Variants in CDIN1 observed in about 807,000 individuals in gnomAD.
CDIN1 encodes CDAN1 interacting nuclease 1, also known as CDAN1-interacting nuclease 1.
In CDIN1, 33 loss-of-function variants were observed where a neutral mutation model predicts 45.3. That is an observed-to-expected ratio of 0.73 (90% CI 0.55 to 0.97). The LOEUF is 0.97. CDIN1 is among the 50% of genes least tolerant of loss of function. The probability of loss-of-function intolerance (pLI) is 0.00; values close to 1 mark genes in which losing one functional copy is unlikely to be tolerated. For synonymous variants in CDIN1, 118 were observed against 124.4 expected, an observed-to-expected ratio of 0.95 and a Z score of 0.34; for missense variants, 303 against 339.4, an observed-to-expected ratio of 0.89 and a Z score of 0.84.
At chr15:36,793,841 G>A (rs1476140456) in intron 10 of CDIN1, among the ~76,000 whole-genome samples, 2 of 152,066 alleles carry the variant, frequency 1.3e-5, no homozygotes, top group South Asian at 2.1e-4. Flanking sequence ...TGCCTTAAAG[G>A]CCAGCATCAG....
At chr15:36,684,816 A>G (rs2041982300) in intron 5 of CDIN1, among the ~76,000 whole-genome samples, 1 of 150,876 alleles carries the variant, frequency 6.6e-6, no homozygotes, top group Non-Finnish European at 1.5e-5. Context: ...GGGAGAGTGT[A>G]TGTGTCGAGG....
intron 5 of CDIN1, among the ~76,000 whole-genome samples, chr15:36,687,773 A>G (rs2042112659): frequency 1.3e-5 from 2 of 152,210 alleles, no homozygotes. Flanking sequence ...TACTAGACAT[A>G]TCTGAACCTT....
In CDIN1 at chr15:36,606,963, G is replaced by A. The variant is rs935951234; in HGVS notation, c.101+27002G>A. 3.9e-5 allele frequency among the ~76,000 whole-genome samples: 6 copies of A among 152,138 alleles called. No homozygotes were observed. In the South Asian group the frequency reaches 1.2e-3, roughly 31 times the overall value. On this transcript the variant is annotated intron_variant, in intron 1 of 10. Coordinates refer to ENST00000566621, the MANE Select transcript of CDIN1 (RefSeq NM_001321759.2). Reference sequence around the variant, plus strand: ...AGTCACAGAGAGACTTTTGAATTGAGGTTTAAAGCAGTAGGAGTTGATTTA... The same window carrying A: ...AGTCACAGAGAGACTTTTGAATTGAAGTTTAAAGCAGTAGGAGTTGATTTA...
At chr15:36,688,919 A>G (rs1566901569) in intron 5 of CDIN1, among the ~76,000 whole-genome samples, 1 of 152,212 alleles carries the variant, frequency 6.6e-6, no homozygotes, top group Non-Finnish European at 1.5e-5. Flanking sequence ...TCCTGGGTCC[A>G]CAGCACAGGC....
intron 10 of CDIN1, among the ~76,000 whole-genome samples, chr15:36,786,703 T>C (rs1169077861): frequency 6.6e-6 from 1 of 152,204 alleles, no homozygotes; most frequent in Non-Finnish European, 1.5e-5. Flanking sequence ...ATGATCAATC[T>C]TGAAAGAGTC....
intron 7 of CDIN1, among the ~76,000 whole-genome samples, chr15:36,693,913 T>C (rs1001330610): frequency 1.3e-5 from 2 of 152,212 alleles, no homozygotes; most frequent in African/African-American, 4.8e-5. Context: ...CTTTTTTGGT[T>C]GTGTTATTGC....
At chr15:36,743,485 T>G (rs2044309685) in intron 10 of CDIN1, among the ~76,000 whole-genome samples, 1 of 152,140 alleles carries the variant, frequency 6.6e-6, no homozygotes, top group Admixed American at 6.5e-5. Context: ...TAATCAGAAC[T>G]AATCCTAGTA....
In CDIN1 at chr15:36,804,232, G is replaced by A. The variant is rs145103519; in HGVS notation, c.717-4092G>A. 2.6e-5 allele frequency among the ~76,000 whole-genome samples: 4 copies of A among 152,276 alleles called. No homozygotes were observed. In the East Asian group the frequency reaches 7.7e-4, roughly 29 times the overall value. ...GTGTTGGGCACATAGTAAGTGGGGT[G>A]AAAGTGTTAATAATGAACATTGTTG... On this transcript the variant is annotated intron_variant, in intron 10 of 10. Transcript: ENST00000566621.
At chr15:36,767,992 T>A (rs578198744) in intron 10 of CDIN1, among the ~76,000 whole-genome samples, 1 of 152,168 alleles carries the variant, frequency 6.6e-6, no homozygotes, top group Non-Finnish European at 1.5e-5. Flanking sequence ...GAGAGGGCTG[T>A]TTCTGACCCC....
chr15:36,699,899 T>C (rs1489951675), intron 8 of CDIN1, among the ~76,000 whole-genome samples: 1 of 152,164 alleles, frequency 6.6e-6, no homozygotes, highest in Non-Finnish European at 1.5e-5. Flanking sequence ...CTTATCCAAT[T>C]TGTACTTCCA....
chr15:36,751,202 T>A (rs942832547), intron 10 of CDIN1, among the ~76,000 whole-genome samples: 2 of 113,590 alleles, frequency 1.8e-5, no homozygotes, highest in Non-Finnish European at 3.5e-5. Context: ...CCATTTTTAT[T>A]GATAAAAGCA....
intron 10 of CDIN1, among the ~76,000 whole-genome samples, chr15:36,754,635 C>A (rs1472071561): frequency 1.3e-5 from 2 of 150,128 alleles, no homozygotes; most frequent in Non-Finnish European, 3.0e-5. Flanking sequence ...TATATTTATC[C>A]CCCTTACATG....
chr15:36,692,274 A>G, intron 7 of CDIN1, 99 bp downstream of exon 7: 1 of 1,120,706 alleles, frequency 8.9e-7, no homozygotes, highest in South Asian at 1.5e-5. Flanking sequence ...GCTTCACAAA[A>G]CACATTTCAT....
At chr15:36,589,521 T>G (rs2037466908) in intron 1 of CDIN1, among the ~76,000 whole-genome samples, 2 of 152,094 alleles carry the variant, frequency 1.3e-5, no homozygotes, top group Admixed American at 6.5e-5. Flanking sequence ...CTTTTTTTTT[T>G]TTGAGACGGA....
chr15:36,728,821 G>A (rs1041203569), intron 10 of CDIN1, among the ~76,000 whole-genome samples: 5 of 151,928 alleles, frequency 3.3e-5, no homozygotes, highest in Non-Finnish European at 5.9e-5. Flanking sequence ...CTATAGACGC[G>A]TGCCACCACG....
Position 36,792,984 on chromosome 15 carries a change from CT to C in CDIN1, c.717-15339del, listed in dbSNP as rs1941575713. 3.3e-5 allele frequency among the ~76,000 whole-genome samples: 5 copies of C among 152,236 alleles called. No homozygotes were observed. The Middle Eastern group carries it at 0.01, about 311-fold the overall frequency. On this transcript the variant is annotated intron_variant, in intron 10 of 10. Transcript: ENST00000566621. Reference sequence around the variant, plus strand: ...TTCCTGCACCGTCCTGAAAGTCCCCCTGATCTTTCTCTCCACTCGATCTGCA... The same window carrying C: ...TTCCTGCACCGTCCTGAAAGTCCCCCGATCTTTCTCTCCACTCGATCTGCA...
At chr15:36,647,863 G>A (rs561675304) in intron 3 of CDIN1, among the ~76,000 whole-genome samples, 2 of 147,132 alleles carry the variant, frequency 1.4e-5, no homozygotes, top group East Asian at 2.0e-4. Flanking sequence ...TTTTTGAGAC[G>A]GAGTCTCACT....
At chr15:36,778,713 T>C (rs944568727) in intron 10 of CDIN1, among the ~76,000 whole-genome samples, 7 of 152,216 alleles carry the variant, frequency 4.6e-5, no homozygotes, top group Non-Finnish European at 7.3e-5. Flanking sequence ...GCTATAGTGA[T>C]TCACTTTGTA....
rs572443710 is a variant in CDIN1 at position 36,779,885 on chromosome 15, C to T, written c.717-28439C>T. On this transcript the variant is annotated intron_variant, in intron 10 of 10. Coordinates refer to ENST00000566621, the MANE Select transcript of CDIN1 (RefSeq NM_001321759.2). ...GTGAATATAGTCTTCTGAAGATGGT[C>T]CTATGAAACAGACTGCTTTTCTGAG... Among the ~76,000 whole-genome samples the T allele has an allele frequency of 2.0e-3, 298 of 152,244 alleles. 1 individual carries two copies. The highest frequency in any genetic ancestry group is 6.8e-3 in the African/African-American group (281 of 41,528).
Sources: allele counts gnomAD v4.1 joint callset (sites outside exome capture counted in the v4.1 genomes callset), GRCh38; gene constraint gnomAD v4.1.1; transcripts MANE v1.5; gene names NCBI Gene and HGNC (gene_info 2026-07-23, HGNC 2026-07-21).